Variants in ZMIZ2 observed in about 807,000 individuals in gnomAD.
ZMIZ2 encodes the protein zinc finger MIZ-type containing 2, also known as zinc finger MIZ domain-containing protein 2.
A neutral mutation model predicts 93.9 loss-of-function variants in ZMIZ2; 26 were observed. That is an observed-to-expected ratio of 0.28 (90% CI 0.20 to 0.38). The LOEUF is 0.38. Among genes scored for constraint, ZMIZ2 ranks in the 10% least tolerant of loss-of-function variants. ZMIZ2 has a pLI of 1.00. For synonymous variants in ZMIZ2, 485 were observed against 516.4 expected (o/e 0.94, Z 0.82); for missense variants, 1,023 against 1,235.0 (o/e 0.83, Z 2.57).
rs1298916435 is a variant in ZMIZ2 at position 44,765,073 on chromosome 7, C to T, written c.1997+64C>T. On this transcript the variant is annotated intron_variant, in intron 15 of 18. Coordinates refer to ENST00000309315, the MANE Select transcript of ZMIZ2 (RefSeq NM_031449.4). This position sits in a 1 kb window ranked among gnomAD's most constrained non-coding sequence, Gnocchi z 4.1. Reference sequence around the variant, plus strand: ...ACTGGAGGGCAGCCCCAGGACATGTCGGGGGATGTCCCTTGCCAAGTGCAG... The same window carrying T: ...ACTGGAGGGCAGCCCCAGGACATGTTGGGGGATGTCCCTTGCCAAGTGCAG... 1.3e-5 allele frequency: 20 copies of T among 1,594,198 alleles called. No individual in the cohort carries two copies. Among genetic ancestry groups the T allele is most frequent in the Admixed American group, 1.7e-5 (1 of 59,682 alleles).
At chr7:44,757,608 C>G in intron 5 of ZMIZ2, 47 bp downstream of exon 5, 1 of 1,542,496 alleles carries the variant, frequency 6.5e-7, no homozygotes, top group Non-Finnish European at 8.7e-7. Flanking sequence ...AGCCTGAGGG[C>G]CTGGGAGGAG....
chr7:44,758,027 G>T lies in ZMIZ2; in HGVS notation c.732G>T (p.Gln244His). ...GAATGACACCCTTGTATGCAGGGCAGCGTCTGCCCCAACATGGGTATCCTG... is the reference window on the plus strand; with the variant it reads ...GAATGACACCCTTGTATGCAGGGCATCGTCTGCCCCAACATGGGTATCCTG... ...AAGMTPLYAG[Q>H]RLPQHGYPGP... The change falls in exon 6 of 19, where the codon CAG becomes CAT. Residue 244 changes from glutamine (Q) to histidine (H), a missense_variant. Gln to His is a conservative substitution (Grantham distance 24). This residue lies in a region of ZMIZ2 where 656 missense variants were observed against 777.1 expected (regional missense o/e 0.84). Transcript: ENST00000309315. 1 of 1,610,978 alleles carries T rather than the reference G, an allele frequency of 6.2e-7. No individual in the cohort carries two copies. Among genetic ancestry groups the T allele is most frequent in the Non-Finnish European group, 8.5e-7 (1 of 1,178,760 alleles).
In ZMIZ2 at chr7:44,761,647, A is replaced by T. The variant is rs765899628; in HGVS notation, c.1386-48A>T. ...CCCACGAGGCTCTGTTCCTCCTCCCACACTCTCAGGGCCCGTTTTCTGGGT... is the reference window on the plus strand; with the variant it reads ...CCCACGAGGCTCTGTTCCTCCTCCCTCACTCTCAGGGCCCGTTTTCTGGGT... On this transcript the variant is annotated intron_variant, in intron 10 of 18. Transcript: ENST00000309315. This position sits in a 1 kb window ranked among gnomAD's most constrained non-coding sequence, Gnocchi z 5.8. 1.2e-6 allele frequency: 2 copies of T among 1,613,070 alleles called. No individual in the cohort carries two copies. Among genetic ancestry groups the T allele is most frequent in the Non-Finnish European group, 8.5e-7 (1 of 1,179,504 alleles).
chr7:44,759,098 A>AAC (rs1554321213), intron 6 of ZMIZ2, among the ~76,000 whole-genome samples, 183 bp from the exon 7 acceptor site: 24 of 149,400 alleles, frequency 1.6e-4, no homozygotes, highest in South Asian at 1.1e-3. Flanking sequence ...AAAAAAAAAA[A>AAC]AAAAAAAAAC....
intron 11 of ZMIZ2, 100 bp from the exon 12 acceptor site, chr7:44,762,781 C>T: frequency 2.5e-6 from 2 of 809,162 alleles, no homozygotes; most frequent in Non-Finnish European, 3.5e-6. Flanking sequence ...CCCTCCCCCA[C>T]CTGGCAGCCC....
chr7:44,762,362 C>G (rs950539918), intron 11 of ZMIZ2, among the ~76,000 whole-genome samples: 2 of 152,178 alleles, frequency 1.3e-5, no homozygotes, highest in Admixed American at 6.5e-5. Flanking sequence ...TCGGAGTCCC[C>G]GGCTGATCAA....
intron 1 of ZMIZ2, among the ~76,000 whole-genome samples, chr7:44,755,366 C>A (rs952162343): frequency 2.6e-5 from 4 of 152,180 alleles, no homozygotes; most frequent in African/African-American, 9.7e-5. Context: ...CTGGGGGTGT[C>A]ATGGATGGGC....
chr7:44,765,958 C>T lies in ZMIZ2; in HGVS notation c.2243-206C>T. The T allele has an allele frequency of 7.1e-7, 1 of 1,403,148 alleles. No individual in the cohort carries two copies. Among genetic ancestry groups the T allele is most frequent in the Non-Finnish European group, 9.2e-7 (1 of 1,084,728 alleles). The allele number at this position is 1,403,148 out of a possible 1,614,324, so 86.9% of individuals were successfully genotyped here. A position where few individuals can be genotyped will look rare whatever the true frequency, so the allele number is the denominator to read the frequency against. On this transcript the variant is annotated intron_variant, in intron 16 of 18. Coordinates refer to ENST00000309315, the MANE Select transcript of ZMIZ2 (RefSeq NM_031449.4). This position sits in a 1 kb window ranked among gnomAD's most constrained non-coding sequence, Gnocchi z 4.1. Reference sequence around the variant, plus strand: ...CCATTCCTATAACCTCCGAGACCTTCACTCCTAGGAATGTCCCAAGGCCAA... The same window carrying T: ...CCATTCCTATAACCTCCGAGACCTTTACTCCTAGGAATGTCCCAAGGCCAA...
Position 44,767,813 on chromosome 7 carries a change from C to A in ZMIZ2, c.*190C>A. ...GCAGCCCTGTGCTCGATGGGAGGGG[C>A]TCCCAGGCCGGCAGCCCTTGCCACC... On this transcript the variant is annotated 3_prime_UTR_variant, in exon 19 of 19. Transcript: ENST00000309315. 1.6e-6 allele frequency: 1 copy of A among 612,824 alleles called. No individual in the cohort carries two copies. The highest frequency in any genetic ancestry group is 1.9e-5 in the South Asian group (1 of 51,624). 38.0% of individuals were successfully genotyped at this position (612,824 alleles called of 1,614,324 possible). A position where few individuals can be genotyped will look rare whatever the true frequency, so the allele number is the denominator to read the frequency against.
chr7:44,759,828 C>T, intron 7 of ZMIZ2: 1 of 469,146 alleles, frequency 2.1e-6, no homozygotes, highest in Non-Finnish European at 3.8e-6. Context: ...ATTGAGAGGA[C>T]AGGCCCTCGC....
Position 44,766,534 on chromosome 7 carries a change from A to T in ZMIZ2, c.2526A>T (p.Pro842=). 9 of 1,614,002 alleles carry T rather than the reference A, an allele frequency of 5.6e-6. No homozygotes were observed. The highest frequency in any genetic ancestry group is 7.6e-6 in the Non-Finnish European group (9 of 1,180,028). Residue 842 remains proline, a synonymous_variant, in exon 18 of 19, where the codon CCA becomes CCT. Coordinates refer to ENST00000309315, the MANE Select transcript of ZMIZ2 (RefSeq NM_031449.4). The surrounding 1 kb of genome is among the most constrained non-coding windows in gnomAD (Gnocchi z 4.4). ...GPQLHHSNPP[P]ASRQSLGQAS... is the part of the protein sequence containing the mutation. ...AGCTGCACCATTCAAACCCTCCCCC[A>T]GCGTCCCGGCAGTCCTTGGGCCAAG...
chr7:44,749,548 GGGACACCCCTTTCCAAACT>G (rs1789952001), intron 1 of ZMIZ2, among the ~76,000 whole-genome samples: 1 of 152,180 alleles, frequency 6.6e-6, no homozygotes, highest in Non-Finnish European at 1.5e-5. Context: ...AGTTTTGATG[GGGACACCCCTTTCCAAACT>G]GGACATACTG....
At position 44,758,102 on chromosome 7, in the gene ZMIZ2, C is replaced by T. The variant is rs142659631; in HGVS notation, c.807C>T (p.Tyr269=). 4.4e-4 allele frequency: 693 copies of T among 1,559,130 alleles called. 3 individuals are homozygous for T. The African/African-American group carries it at 8.4e-3, about 19-fold the overall frequency. Reference sequence around the variant, plus strand: ...CCCGACAGGGGGTCAAGAGAACCTACTCTGAGGTGAGTGTCCAGGTCACCT... The same window carrying T: ...CCCGACAGGGGGTCAAGAGAACCTATTCTGAGGTGAGTGTCCAGGTCACCT... ...PLPRQGVKRT[Y]SEVYPGQQYL... is the part of the protein sequence containing the mutation. Residue 269 remains tyrosine (Y), a synonymous_variant, in exon 6 of 19, where the codon TAC becomes TAT. Coordinates refer to ENST00000309315, the MANE Select transcript of ZMIZ2 (RefSeq NM_031449.4).
rs1378049093 is a variant in ZMIZ2 at position 44,750,437 on chromosome 7, ACAGCCAT to A, written c.-63+1449_-63+1455del. Among the ~76,000 whole-genome samples the A allele has an allele frequency of 6.6e-5, 10 of 152,082 alleles. No individual in the cohort carries two copies. In the East Asian group the frequency reaches 1.9e-3, roughly 29 times the overall value. On this transcript the variant is annotated intron_variant, in intron 1 of 18. Transcript: ENST00000309315. Reference sequence around the variant, plus strand: ...AAGGACCCCGCTCCTGCAACATTCCACAGCCATCATTTCTTCAATACCCTTTGACTCC... The same window carrying A: ...AAGGACCCCGCTCCTGCAACATTCCACATTTCTTCAATACCCTTTGACTCC...
At chr7:44,758,244 C>A in intron 6 of ZMIZ2, 136 bp downstream of exon 6, 1 of 1,182,190 alleles carries the variant, frequency 8.5e-7, no homozygotes, top group Admixed American at 3.3e-5. Flanking sequence ...CTTTGGGAAA[C>A]CAAGGAGGGT....
Position 44,760,202 on chromosome 7 carries a change from A to T in ZMIZ2, c.1045A>T (p.Ser349Cys). ...CGCCAGCTTCAACGGGGGCAGCGTC[A>T]GCTACAGCCAACCTGGCCTGAGTGG... is the stretch of plus-strand genomic sequence containing the variant. ...QGASFNGGSV[S>C]YSQPGLSGPT... The change falls in exon 8 of 19, where the codon AGC (serine) becomes TGC (cysteine). Residue 349 changes from serine to cysteine, a missense_variant. Physicochemically the swap from Ser to Cys is moderately radical, Grantham distance 112. This residue lies in a region of ZMIZ2 where 656 missense variants were observed against 777.1 expected (regional missense o/e 0.84). Transcript: ENST00000309315. The T allele has an allele frequency of 1.2e-6, 2 of 1,613,338 alleles. No homozygotes were observed. Among genetic ancestry groups the T allele is most frequent in the Non-Finnish European group, 1.7e-6 (2 of 1,179,756 alleles).
Position 44,764,981 on chromosome 7 carries a change from A to G in ZMIZ2, c.1969A>G (p.Met657Val), listed in dbSNP as rs781022643. ...GGAGGGCCTGGAGGTGGACCAGTAC[A>G]TGCTGGGCATCCTGATTTACATTCA... ...LLEGLEVDQY[M>V]LGILIYIQNS... Residue 657 changes from methionine to valine, a missense_variant, in exon 15 of 19, where the codon ATG (methionine) becomes GTG (valine). Transcript: ENST00000309315. The G allele has an allele frequency of 3.5e-5, 56 of 1,614,096 alleles. No homozygotes were observed. In the South Asian group the frequency reaches 5.8e-4, roughly 17 times the overall value.
chr7:44,760,246 G>A lies in ZMIZ2; in HGVS notation c.1071+18G>A. ...TGAGTGGGGTAGGGGGCCTGGCCGG[G>A]AGGATGGGCCGGGAGGCTCACAGGG... On this transcript the variant is annotated intron_variant, in intron 8 of 18. Coordinates refer to ENST00000309315, the MANE Select transcript of ZMIZ2 (RefSeq NM_031449.4). The A allele has an allele frequency of 6.2e-7, 1 of 1,607,204 alleles. No homozygotes were observed. Among genetic ancestry groups the A allele is most frequent in the Non-Finnish European group, 8.5e-7 (1 of 1,176,430 alleles).
rs777097519 is a variant in ZMIZ2, at chr7:44,767,529, T to C, written c.2669T>C (p.Leu890Pro). ...CTTTGTCCTCAGCTGCTCCCGGAAC[T>C]GACCAACCCTGATGAGCTACTGTCC... ...PEPALDLLPE[L>P]TNPDELLSYL... Residue 890 changes from leucine to proline, a missense_variant, in exon 19 of 19, where the codon CTG becomes CCG. Transcript: ENST00000309315. The C allele has an allele frequency of 1.2e-6, 2 of 1,614,154 alleles. No homozygotes were observed. The highest frequency in any genetic ancestry group is 1.7e-6 in the Non-Finnish European group (2 of 1,180,014).
Sources: allele counts gnomAD v4.1 joint callset (sites outside exome capture counted in the v4.1 genomes callset), GRCh38; gene constraint gnomAD v4.1.1; regional missense constraint gnomAD v4.1.1; non-coding constraint Gnocchi (gnomAD v3.1); transcripts MANE v1.5; gene names NCBI Gene and HGNC (gene_info 2026-07-23, HGNC 2026-07-21).